The following CADM2 variants were observed in gnomAD, a reference collection of about 807,000 sequenced individuals.
The protein encoded by CADM2 is cell adhesion molecule 2.
A neutral mutation model predicts 49.8 loss-of-function variants in CADM2; 12 were observed. The ratio of observed to expected loss-of-function variants is 0.24; its 90% CI spans 0.15 to 0.39. The LOEUF is 0.39. Among genes scored for constraint, CADM2 ranks in the 10% least tolerant of loss-of-function variants. CADM2 has a pLI of 1.00. For missense variants in CADM2, 378 were observed against 492.3 expected, an observed-to-expected ratio of 0.77 and a Z score of 2.20; for synonymous variants, 214 against 175.4, an observed-to-expected ratio of 1.22 and a Z score of -1.74.
At chr3:85,238,364 T>C (rs1196240427) in intron 1 of CADM2, among the ~76,000 whole-genome samples, 1 of 151,968 alleles carries the variant, frequency 6.6e-6, no homozygotes, top group Non-Finnish European at 1.5e-5. Flanking sequence ...CTCCAAATCA[T>C]TGACATCATT....
intron 8 of CADM2, among the ~76,000 whole-genome samples, chr3:86,029,124 T>A (rs973968050): frequency 1.3e-4 from 20 of 152,182 alleles, no homozygotes; most frequent in Non-Finnish European, 2.2e-4. Flanking sequence ...GGGCATAGTT[T>A]GGAACATTCT....
intron 1 of CADM2, among the ~76,000 whole-genome samples, chr3:85,206,672 A>C (rs1479430419): frequency 6.6e-6 from 1 of 152,032 alleles, no homozygotes; most frequent in African/African-American, 2.4e-5. Flanking sequence ...AAAATAGCTA[A>C]GATTTTCTAA....
chr3:85,750,279 A>G (rs1425496575), intron 2 of CADM2, among the ~76,000 whole-genome samples: 2 of 152,012 alleles, frequency 1.3e-5, no homozygotes, highest in Non-Finnish European at 2.9e-5. Flanking sequence ...TCCAGATAGC[A>G]TTTGCTGAAA....
intron 1 of CADM2, among the ~76,000 whole-genome samples, chr3:85,368,878 T>G (rs2032993341): frequency 6.6e-6 from 1 of 152,168 alleles, no homozygotes; most frequent in South Asian, 2.1e-4. Flanking sequence ...GTCTCATTGC[T>G]TACATTATCC....
chr3:85,743,280 T>C (rs1177789797), intron 2 of CADM2, among the ~76,000 whole-genome samples: 1 of 152,158 alleles, frequency 6.6e-6, no homozygotes, highest in African/African-American at 2.4e-5. Flanking sequence ...TGTATTTAGT[T>C]GGATTTACAA....
intron 1 of CADM2, among the ~76,000 whole-genome samples, chr3:85,202,971 G>A (rs76633736): frequency 0.095 from 14,440 of 152,092 alleles, 850 homozygotes; most frequent in African/African-American, 0.16. Context: ...TGCTAGCTTC[G>A]AACTTTTCTT....
Position 85,975,051 on chromosome 3 carries a change from A to T in CADM2, c.970+13404A>T, listed in dbSNP as rs530524704. On this transcript the variant is annotated intron_variant, in intron 8 of 9. Transcript: ENST00000383699. Reference sequence around the variant, plus strand: ...AAACTTCTTAGATAGACAGATAGATAGATAGATAGAGGTCCAGGATTTACA... The same window carrying T: ...AAACTTCTTAGATAGACAGATAGATTGATAGATAGAGGTCCAGGATTTACA... Among the ~76,000 whole-genome samples the T allele has an allele frequency of 2.6e-5, 4 of 151,612 alleles. No individual in the cohort carries two copies. In the Admixed American group the frequency reaches 2.6e-4, roughly 10 times the overall value.
intron 1 of CADM2, among the ~76,000 whole-genome samples, chr3:85,153,751 C>T (rs892644941): frequency 6.6e-6 from 1 of 152,148 alleles, no homozygotes; most frequent in African/African-American, 2.4e-5. Flanking sequence ...TGAGAACGGG[C>T]AGACTGCCTC....
chr3:85,259,311 G>C (rs1439845230), intron 1 of CADM2, among the ~76,000 whole-genome samples: 1 of 151,998 alleles, frequency 6.6e-6, no homozygotes, highest in Non-Finnish European at 1.5e-5. Flanking sequence ...AACACTAAGT[G>C]AGTTTATTTT....
At chr3:86,054,861 A>G (rs1223010931) in intron 8 of CADM2, among the ~76,000 whole-genome samples, 1 of 152,180 alleles carries the variant, frequency 6.6e-6, no homozygotes, top group African/African-American at 2.4e-5. Context: ...GCCAAAATGG[A>G]TATATGGCAA....
Position 85,811,001 on chromosome 3 carries a change from A to G in CADM2, c.238+8805A>G, listed in dbSNP as rs112208826. ...GAGTCCAGCAATTTTAAATAATGAT[A>G]ATATATGCTATAAATTTTGGCAGTT... On this transcript the variant is annotated intron_variant, in intron 3 of 9. Transcript: ENST00000383699. Among the ~76,000 whole-genome samples, 1,346 of 152,280 alleles carry G rather than the reference A, an allele frequency of 8.8e-3. 22 individuals are homozygous for G. Among genetic ancestry groups the G allele is most frequent in the African/African-American group, 0.03 (1,236 of 41,546 alleles).
chr3:85,867,170 A>G lies in CADM2; in HGVS notation c.239-16121A>G, dbSNP rs139384137. 4.3e-4 allele frequency among the ~76,000 whole-genome samples: 66 copies of G among 152,222 alleles called. No individual in the cohort carries two copies. In the East Asian group the frequency reaches 0.011, roughly 26 times the overall value. On this transcript the variant is annotated intron_variant, in intron 3 of 9. Transcript: ENST00000383699. Reference sequence around the variant, plus strand: ...TACTTTTATGTATGTGTAAAACGTAACAACTGTATGTCTAAGACAGTGTCT... The same window carrying G: ...TACTTTTATGTATGTGTAAAACGTAGCAACTGTATGTCTAAGACAGTGTCT...
At chr3:85,018,540 G>C (rs1285565646) in intron 1 of CADM2, among the ~76,000 whole-genome samples, 1 of 152,054 alleles carries the variant, frequency 6.6e-6, no homozygotes, top group Non-Finnish European at 1.5e-5. Context: ...TTTTCGTAGA[G>C]ATGGCGGTTT....
chr3:85,542,146 C>T (rs966253478), intron 1 of CADM2, among the ~76,000 whole-genome samples: 1 of 151,952 alleles, frequency 6.6e-6, no homozygotes, highest in African/African-American at 2.4e-5. Context: ...TTAGAGCTGT[C>T]TCTCACCCAT....
At chr3:85,987,562 T>G (rs960602527) in intron 8 of CADM2, among the ~76,000 whole-genome samples, 2 of 148,368 alleles carry the variant, frequency 1.3e-5, no homozygotes, top group Admixed American at 6.8e-5. Flanking sequence ...AAAATTCATT[T>G]TTATATAATA....
chr3:85,138,080 T>C (rs12491943), intron 1 of CADM2, among the ~76,000 whole-genome samples: 5 of 152,100 alleles, frequency 3.3e-5, no homozygotes, highest in Non-Finnish European at 5.9e-5. Context: ...TTATAGTTCA[T>C]AGGACAGAGT....
intron 1 of CADM2, among the ~76,000 whole-genome samples, chr3:85,105,120 G>T (rs1432066839): frequency 6.6e-6 from 1 of 152,016 alleles, no homozygotes; most frequent in East Asian, 1.9e-4. Flanking sequence ...GAATAGGAGT[G>T]GTGAGAAAGG....
intron 1 of CADM2, among the ~76,000 whole-genome samples, chr3:85,285,818 T>A (rs2043620744): frequency 6.6e-6 from 1 of 151,572 alleles, no homozygotes; most frequent in Non-Finnish European, 1.5e-5. Flanking sequence ...TATTAAAGTA[T>A]TAAATATTAA....
intron 1 of CADM2, among the ~76,000 whole-genome samples, chr3:85,623,468 C>T (rs2064034060): frequency 6.6e-6 from 1 of 152,048 alleles, no homozygotes; most frequent in African/African-American, 2.4e-5. Context: ...TTTTCTCTTT[C>T]CAGGTATAAA....
Sources: gnomAD v4.1 joint callset for allele counts (sites outside exome capture counted in the v4.1 genomes callset) on GRCh38, gnomAD v4.1.1 for gene constraint, MANE v1.5 for transcripts, NCBI Gene and HGNC (gene_info 2026-07-23, HGNC 2026-07-21) for gene names.